PHKB: variants seen among roughly 807,000 people sequenced by gnomAD.
PHKB encodes phosphorylase kinase regulatory subunit beta, also known as phosphorylase b kinase regulatory subunit beta.
In PHKB, 122 loss-of-function variants were observed where a neutral mutation model predicts 152.1. That is an observed-to-expected ratio of 0.80 (90% CI 0.69 to 0.93). PHKB has a LOEUF of 0.93. PHKB is among the 40% of genes least tolerant of loss of function. The pLI is 0.00. For missense variants in PHKB, 1,304 were observed against 1,328.4 expected (o/e 0.98, Z 0.29); for synonymous variants, 436 against 464.9 (o/e 0.94, Z 0.80).
intron 26 of PHKB, among the ~76,000 whole-genome samples, chr16:47,680,989 T>C (rs1410339548): frequency 3.3e-5 from 5 of 152,148 alleles, no homozygotes; most frequent in Non-Finnish European, 7.4e-5. Flanking sequence ...TCATTGGTTT[T>C]AAAGAACATC....
chr16:47,651,259 A>C (rs1973232916), intron 20 of PHKB, among the ~76,000 whole-genome samples: 1 of 152,192 alleles, frequency 6.6e-6, no homozygotes, highest in Admixed American at 6.5e-5. Flanking sequence ...CTATACTAAC[A>C]TCCAACCTGG....
chr16:47,590,942 G>C (rs1001867377), intron 10 of PHKB: 1 of 152,016 alleles, frequency 6.6e-6, no homozygotes, highest in African/African-American at 2.4e-5. Flanking sequence ...TTTCTGCATG[G>C]TCTCCTCCAC....
At chr16:47,680,782 T>C (rs1466599301) in intron 26 of PHKB, among the ~76,000 whole-genome samples, 1 of 152,236 alleles carries the variant, frequency 6.6e-6, no homozygotes, top group African/African-American at 2.4e-5. Flanking sequence ...AGTTCTGCAC[T>C]GATTTTAGTC....
intron 1 of PHKB, among the ~76,000 whole-genome samples, chr16:47,467,142 ATG>A (rs1458396853): frequency 6.6e-6 from 1 of 152,206 alleles, no homozygotes; most frequent in African/African-American, 2.4e-5. Context: ...TCCTAAAAAT[ATG>A]TGTCTTTTAC....
chr16:47,600,429 A>G (rs1230988660), intron 13 of PHKB, among the ~76,000 whole-genome samples: 2 of 152,330 alleles, frequency 1.3e-5, no homozygotes, highest in Non-Finnish European at 1.5e-5. Context: ...TAAAATGGTC[A>G]TTAGTTATAC....
At chr16:47,629,918 G>A (rs1308955978) in intron 14 of PHKB, among the ~76,000 whole-genome samples, 2 of 151,146 alleles carry the variant, frequency 1.3e-5, no homozygotes, top group Non-Finnish European at 2.9e-5. Context: ...GTAAACTATC[G>A]CAATAACAAA....
intron 6 of PHKB, among the ~76,000 whole-genome samples, chr16:47,543,675 A>G (rs927939805): frequency 5.3e-5 from 8 of 152,152 alleles, no homozygotes; most frequent in African/African-American, 1.9e-4. Context: ...CCTCAATTTC[A>G]GAGCCTATTA....
chr16:47,689,051 C>G lies in PHKB; in HGVS notation c.2641C>G (p.His881Asp). 1 of 1,614,000 alleles carries G rather than the reference C, an allele frequency of 6.2e-7. No individual in the cohort carries two copies. The highest frequency in any genetic ancestry group is 8.5e-7 in the Non-Finnish European group (1 of 1,179,934). ...MLKIRIGWII[H>D]AMEYELQIRG... ...CCTGTTTTGTTTCAGGTGGATCATCCATGCCATGGAGTATGAACTTCAGAT... is the reference window on the plus strand; with the variant it reads ...CCTGTTTTGTTTCAGGTGGATCATCGATGCCATGGAGTATGAACTTCAGAT... The change falls in exon 27 of 31, where the codon CAT (histidine) becomes GAT (aspartate). Residue 881 changes from histidine to aspartate, a missense_variant. Transcript: ENST00000323584.
intron 6 of PHKB, among the ~76,000 whole-genome samples, chr16:47,524,688 A>G (rs1970737869): frequency 6.6e-6 from 1 of 152,186 alleles, no homozygotes. Context: ...GTTACTATTG[A>G]CCACATATTC....
intron 7 of PHKB, chr16:47,566,970 T>C: frequency 2.0e-6 from 1 of 510,512 alleles, no homozygotes; most frequent in Non-Finnish European, 3.5e-6. Context: ...TGTGTCTATT[T>C]TTGTACTGTT....
intron 26 of PHKB, among the ~76,000 whole-genome samples, chr16:47,677,613 C>A (rs1012292579): frequency 1.3e-5 from 2 of 152,052 alleles, no homozygotes; most frequent in African/African-American, 4.8e-5. Context: ...AGCATAAGGG[C>A]CCCAACCTCA....
rs1280265316 is a variant in PHKB at position 47,663,685 on chromosome 16, T to C, written c.2287T>C (p.Ser763Pro). The C allele has an allele frequency of 3.1e-6, 5 of 1,612,922 alleles. No individual in the cohort carries two copies. The East Asian group carries it at 1.1e-4, about 36-fold the overall frequency. The change falls in exon 24 of 31, where the codon TCT (serine) becomes CCT (proline). Residue 763 changes from serine (S) to proline (P), a missense_variant. By Grantham distance (74) the Ser-to-Pro change is moderately conservative. Coordinates refer to ENST00000323584, the MANE Select transcript of PHKB (RefSeq NM_000293.3). ...TATTATCCAATGTCTAGGTACCGTT[T>C]CTGATCACATTGAGAGAGTCTATAG... ...PNFITKEGTV[S>P]DHIERVYRRA...
At chr16:47,499,318 A>C (rs539951883) in intron 2 of PHKB, among the ~76,000 whole-genome samples, 3 of 152,188 alleles carry the variant, frequency 2.0e-5, no homozygotes, top group Non-Finnish European at 2.9e-5. Flanking sequence ...TTACTGTAGC[A>C]GTTGAGGTGG....
At chr16:47,515,981 G>A (rs1387312275) in intron 6 of PHKB, among the ~76,000 whole-genome samples, 1 of 150,282 alleles carries the variant, frequency 6.7e-6, no homozygotes, top group African/African-American at 2.5e-5. Context: ...GGGCTGGAGT[G>A]CAGTGGTATG....
chr16:47,550,437 A>G (rs911439130), intron 7 of PHKB, among the ~76,000 whole-genome samples: 4 of 152,238 alleles, frequency 2.6e-5, no homozygotes, highest in Non-Finnish European at 1.5e-5. Context: ...GAATTAATAC[A>G]TAGTAATACT....
intron 8 of PHKB, among the ~76,000 whole-genome samples, chr16:47,581,868 C>T (rs1315692053): frequency 2.6e-5 from 4 of 151,980 alleles, no homozygotes; most frequent in Admixed American, 6.6e-5. Flanking sequence ...TTAGTTGAGA[C>T]GGGGTTTCAC....
chr16:47,575,571 T>C (rs1388096458), intron 7 of PHKB, among the ~76,000 whole-genome samples: 1 of 152,186 alleles, frequency 6.6e-6, no homozygotes, highest in Non-Finnish European at 1.5e-5. Flanking sequence ...CACTGGAGGC[T>C]ATTATCTTTA....
At chr16:47,652,182 G>C (rs1453713810) in intron 20 of PHKB, among the ~76,000 whole-genome samples, 1 of 151,820 alleles carries the variant, frequency 6.6e-6, no homozygotes, top group Non-Finnish European at 1.5e-5. Context: ...AAGTTCATAG[G>C]AAGCTGTGTG....
chr16:47,656,984 T>C (rs1475153199), intron 20 of PHKB, among the ~76,000 whole-genome samples: 1 of 152,182 alleles, frequency 6.6e-6, no homozygotes, highest in Non-Finnish European at 1.5e-5. Flanking sequence ...GTTGCCTTTT[T>C]CTTTTTTTGT....
Sources: gnomAD v4.1 joint callset for allele counts (sites outside exome capture counted in the v4.1 genomes callset) on GRCh38, gnomAD v4.1.1 for gene constraint, MANE v1.5 for transcripts, NCBI Gene and HGNC (gene_info 2026-07-23, HGNC 2026-07-21) for gene names.